Variants in TMEFF2 observed in about 807,000 individuals in gnomAD.
TMEFF2 encodes transmembrane protein with EGF like and two follistatin like domains 2.
A neutral mutation model predicts 53.8 loss-of-function variants in TMEFF2; 28 were observed. That is an observed-to-expected ratio of 0.52 (90% confidence interval 0.39 to 0.71). TMEFF2 has a LOEUF of 0.71. TMEFF2 is among the 30% of genes least tolerant of loss of function. The pLI, the probability that TMEFF2 is intolerant of heterozygous loss-of-function variation, is 0.00. For missense variants in TMEFF2, 353 were observed against 455.2 expected (o/e 0.78, Z 2.04); for synonymous variants, 162 against 166.3 (o/e 0.97, Z 0.20).
chr2:192,132,516 C>A (rs1416506603), intron 4 of TMEFF2, among the ~76,000 whole-genome samples: 2 of 152,098 alleles, frequency 1.3e-5, no homozygotes, highest in African/African-American at 4.8e-5. Flanking sequence ...GCCCTCAAAC[C>A]CCACAACAGG....
At chr2:192,062,232 C>T (rs2105907860) in intron 4 of TMEFF2, among the ~76,000 whole-genome samples, 1 of 152,250 alleles carries the variant, frequency 6.6e-6, no homozygotes, top group South Asian at 2.1e-4. Context: ...TAGAACATCA[C>T]ATCAGTGGAA....
chr2:192,082,359 A>G (rs189738893), intron 4 of TMEFF2, among the ~76,000 whole-genome samples: 87 of 152,304 alleles, frequency 5.7e-4, no homozygotes, highest in African/African-American at 2.0e-3. Flanking sequence ...ACAGAGCGCC[A>G]AACAGCACTG....
At chr2:192,141,984 A>G (rs978208490) in intron 4 of TMEFF2, among the ~76,000 whole-genome samples, 1 of 152,202 alleles carries the variant, frequency 6.6e-6, no homozygotes, top group Non-Finnish European at 1.5e-5. Context: ...TTATGATAAT[A>G]TATGCCACTG....
At chr2:192,019,318 A>C (rs1686810736) in intron 5 of TMEFF2, among the ~76,000 whole-genome samples, 1 of 152,062 alleles carries the variant, frequency 6.6e-6, no homozygotes. Flanking sequence ...GAAGTATTAT[A>C]AATATTTTTA....
chr2:192,056,225 C>T (rs944974102), intron 5 of TMEFF2, among the ~76,000 whole-genome samples: 2 of 151,690 alleles, frequency 1.3e-5, no homozygotes, highest in Non-Finnish European at 2.9e-5. Flanking sequence ...AAATAAAGAG[C>T]AGCCAGATGT....
At chr2:192,144,359 T>G (rs1690203254) in intron 4 of TMEFF2, among the ~76,000 whole-genome samples, 1 of 152,096 alleles carries the variant, frequency 6.6e-6, no homozygotes, top group African/African-American at 2.4e-5. Flanking sequence ...TCTGATGCTT[T>G]AAAAATTTTG....
At chr2:192,188,863 CTATCTATCT>C (rs1203052385) in intron 2 of TMEFF2, among the ~76,000 whole-genome samples, 1 of 151,312 alleles carries the variant, frequency 6.6e-6, no homozygotes, top group African/African-American at 2.4e-5. Flanking sequence ...ATCTATCTAT[CTATCTATCT>C]ATCTATCTAT....
intron 4 of TMEFF2, among the ~76,000 whole-genome samples, chr2:192,164,767 T>C (rs993785100): frequency 2.0e-5 from 3 of 152,074 alleles, no homozygotes; most frequent in Non-Finnish European, 4.4e-5. Flanking sequence ...GAAATGTTTT[T>C]GCTTATTTAT....
chr2:192,192,009 C>T lies in TMEFF2; in HGVS notation c.173-20G>A. ...CATAACCTCAAATTCAAAGAGAACA[C>T]TCCAGTCATTAAAACATCTTACAGA... On this transcript the variant is annotated intron_variant, in intron 1 of 9. Coordinates refer to ENST00000272771, the MANE Select transcript of TMEFF2 (RefSeq NM_016192.4). The T allele has an allele frequency of 6.6e-7, 1 of 1,516,678 alleles. No homozygotes were observed. The highest frequency in any genetic ancestry group is 9.1e-7 in the Non-Finnish European group (1 of 1,093,750). 94.0% of individuals were successfully genotyped at this position (1,516,678 alleles called of 1,614,324 possible).
chr2:192,149,125 C>T lies in TMEFF2; in HGVS notation c.439+30543G>A, dbSNP rs147814691. On this transcript the variant is annotated intron_variant, in intron 4 of 9. Transcript: ENST00000272771. ...AGGCCTTTAATTTTGCATTCAACTG[C>T]TGTTCATTGTCTGATAGGTTTTGTT... Among the ~76,000 whole-genome samples the T allele has an allele frequency of 1.3e-3, 199 of 151,982 alleles. 4 individuals are homozygous for T. Among genetic ancestry groups the T allele is most frequent in the East Asian group, 5.0e-3 (26 of 5,154 alleles).
At chr2:191,959,779 T>TAAAA (rs1291176914) in intron 7 of TMEFF2, among the ~76,000 whole-genome samples, 1 of 152,224 alleles carries the variant, frequency 6.6e-6, no homozygotes, top group African/African-American at 2.4e-5. Context: ...TCCATATTTC[T>TAAAA]AAAAAAGAGA....
At chr2:192,090,591 T>C (rs1472632463) in intron 4 of TMEFF2, among the ~76,000 whole-genome samples, 2 of 152,178 alleles carry the variant, frequency 1.3e-5, no homozygotes, top group Non-Finnish European at 2.9e-5. Flanking sequence ...TTTTTATGTT[T>C]TCTGTATGAA....
intron 5 of TMEFF2, among the ~76,000 whole-genome samples, chr2:192,037,599 TG>T (rs1687352579): frequency 7.3e-6 from 1 of 137,694 alleles, no homozygotes; most frequent in Non-Finnish European, 1.6e-5. Context: ...TGTGTGTTTG[TG>T]CGTGTGTGAG....
intron 5 of TMEFF2, among the ~76,000 whole-genome samples, chr2:192,011,160 A>G (rs776643237): frequency 8.5e-5 from 13 of 152,238 alleles, no homozygotes; most frequent in Non-Finnish European, 1.8e-4. Flanking sequence ...ACCTAGGAGC[A>G]TCCACCCCAG....
In TMEFF2 at chr2:191,950,343, T is replaced by C; in HGVS notation, c.1093A>G (p.Asn365Asp). ...AACCTCGTGGACGCTCTTGTTGTAT[T>C]GTCTGAACTGTAGTGCCCTGTATTT... Reference protein sequence around the residue: ...KQNTGHYSSDNTTRASTRLI With the variant: ...KQNTGHYSSDDTTRASTRLI The change falls in exon 10 of 10, where the codon AAT becomes GAT. Residue 365 changes from asparagine (N) to aspartate (D), a missense_variant. By Grantham distance (23) the Asn-to-Asp change is conservative (BLOSUM62 1). This residue lies in a region of TMEFF2 where 294 missense variants were observed against 397.3 expected (regional missense o/e 0.74). Coordinates refer to ENST00000272771, the MANE Select transcript of TMEFF2 (RefSeq NM_016192.4). The C allele has an allele frequency of 6.2e-7, 1 of 1,613,918 alleles. No homozygotes were observed. The highest frequency in any genetic ancestry group is 8.5e-7 in the Non-Finnish European group (1 of 1,179,884).
intron 4 of TMEFF2, among the ~76,000 whole-genome samples, chr2:192,145,688 A>G (rs533133454): frequency 1.3e-5 from 2 of 151,996 alleles, no homozygotes; most frequent in African/African-American, 4.8e-5. Flanking sequence ...GGCACAGATT[A>G]CTCACTTTAA....
intron 4 of TMEFF2, among the ~76,000 whole-genome samples, chr2:192,082,356 G>T (rs1175773787): frequency 6.6e-6 from 1 of 152,062 alleles, no homozygotes; most frequent in African/African-American, 2.4e-5. Context: ...AGCACAGAGC[G>T]CCAAACAGCA....
At chr2:191,997,550 T>C (rs1686252857) in intron 7 of TMEFF2, among the ~76,000 whole-genome samples, 1 of 151,604 alleles carries the variant, frequency 6.6e-6, no homozygotes, top group Non-Finnish European at 1.5e-5. Context: ...TCAACCTATA[T>C]ACTATTTATA....
intron 5 of TMEFF2, chr2:192,034,857 C>A (rs1252669985): frequency 6.6e-6 from 1 of 152,254 alleles, no homozygotes; most frequent in Non-Finnish European, 1.5e-5. Context: ...TTGCCCTATC[C>A]TGCTTTTCAC....
Sources: allele counts gnomAD v4.1 joint callset (sites outside exome capture counted in the v4.1 genomes callset), GRCh38; gene constraint gnomAD v4.1.1; regional missense constraint gnomAD v4.1.1; transcripts MANE v1.5; gene names NCBI Gene and HGNC (gene_info 2026-07-23, HGNC 2026-07-21).